The following TNFRSF8 variants were observed in gnomAD, a reference collection of about 807,000 sequenced individuals.
TNFRSF8 encodes the protein TNF receptor superfamily member 8, also known as tumor necrosis factor receptor superfamily member 8.
A neutral mutation model predicts 70.8 loss-of-function variants in TNFRSF8; 26 were observed. The observed-to-expected ratio is 0.37, with a 90% CI of 0.27 to 0.51. The LOEUF (loss-of-function observed/expected upper bound fraction) is 0.51. TNFRSF8 is among the 20% of genes least tolerant of loss of function. The pLI is 0.94. For missense variants in TNFRSF8, 720 were observed against 807.9 expected, an observed-to-expected ratio of 0.89 and a Z score of 1.32; for synonymous variants, 356 against 339.2, an observed-to-expected ratio of 1.05 and a Z score of -0.54.
chr1:12,093,085 C>T (rs1268569721), intron 2 of TNFRSF8, among the ~76,000 whole-genome samples: 5 of 151,938 alleles, frequency 3.3e-5, no homozygotes, highest in Middle Eastern at 3.4e-3. Flanking sequence ...GGATTGCAAG[C>T]GTGAGCCACC....
chr1:12,115,529 C>T (rs1189137310), intron 7 of TNFRSF8, 48 bp from the exon 8 acceptor site: 1 of 1,610,444 alleles, frequency 6.2e-7, no homozygotes, highest in Admixed American at 1.7e-5. Context: ...GGACCCCCTG[C>T]CCTTGCCATA....
chr1:12,072,904 A>G (rs1640872579), intron 1 of TNFRSF8, among the ~76,000 whole-genome samples: 1 of 152,192 alleles, frequency 6.6e-6, no homozygotes, highest in African/African-American at 2.4e-5. Context: ...CGCAGCGGCC[A>G]GGCCAAGAGT....
intron 2 of TNFRSF8, among the ~76,000 whole-genome samples, chr1:12,084,821 C>G (rs1641125169): frequency 6.6e-6 from 1 of 152,180 alleles, no homozygotes; most frequent in African/African-American, 2.4e-5. Flanking sequence ...TTATTGGACA[C>G]TTACTATCCA....
At chr1:12,136,272 GAA>G (rs957666767) in intron 13 of TNFRSF8, among the ~76,000 whole-genome samples, 1 of 152,202 alleles carries the variant, frequency 6.6e-6, no homozygotes, top group African/African-American at 2.4e-5. Context: ...GAAATTTCAT[GAA>G]AGAGGTATTC....
intron 14 of TNFRSF8, among the ~76,000 whole-genome samples, chr1:12,140,265 A>G (rs1255850752): frequency 6.6e-6 from 1 of 152,100 alleles, no homozygotes; most frequent in Admixed American, 6.5e-5. Context: ...AAGGCCTTGG[A>G]GGTTCTCTTG....
intron 12 of TNFRSF8, among the ~76,000 whole-genome samples, chr1:12,133,738 CA>C (rs34040378): frequency 1.2e-3 from 110 of 90,976 alleles, no homozygotes; most frequent in East Asian, 8.6e-3. Flanking sequence ...GACTCCATCT[CA>C]AAAAAAAAAA....
chr1:12,100,455 A>G (rs1261421593), intron 3 of TNFRSF8, among the ~76,000 whole-genome samples: 1 of 152,228 alleles, frequency 6.6e-6, no homozygotes, highest in African/African-American at 2.4e-5. Flanking sequence ...CTTTTGTAAT[A>G]ACACTTAGCT....
Position 12,104,543 on chromosome 1 carries a change from C to T in TNFRSF8, c.421+12C>T. 1 of 1,614,098 alleles carries T rather than the reference C, an allele frequency of 6.2e-7. No individual in the cohort carries two copies. The highest frequency in any genetic ancestry group is 8.5e-7 in the Non-Finnish European group (1 of 1,180,014). ...TGTCAAGTTCCCAGGTCAGTGTCCC[C>T]ACCCTTAACTCAGGACAGAGATCTA... On this transcript the variant is annotated intron_variant, in intron 4 of 14. Coordinates refer to ENST00000263932, the MANE Select transcript of TNFRSF8 (RefSeq NM_001243.5).
chr1:12,104,278 G>A, intron 3 of TNFRSF8, 101 bp from the exon 4 acceptor site: 1 of 1,324,668 alleles, frequency 7.5e-7, no homozygotes, highest in East Asian at 2.3e-5. Context: ...GGCGGAGGCT[G>A]CGTTGCGGAC....
In TNFRSF8 at chr1:12,138,557, G is replaced by C; in HGVS notation, c.1543+121G>C. On this transcript the variant is annotated intron_variant, in intron 14 of 14. Coordinates refer to ENST00000263932, the MANE Select transcript of TNFRSF8 (RefSeq NM_001243.5). This position sits in a 1 kb window ranked among gnomAD's most constrained non-coding sequence, Gnocchi z 5.7. ...GAGTTGAAAGGCCCAGGAAAGGAGA[G>C]GCATAGATTCTTCACCCCAATTGAA... 9.9e-7 allele frequency: 1 copy of C among 1,009,512 alleles called. No homozygotes were observed. Among genetic ancestry groups the C allele is most frequent in the Non-Finnish European group, 1.4e-6 (1 of 700,010 alleles). 62.5% of individuals were successfully genotyped at this position (1,009,512 alleles called of 1,614,324 possible).
intron 4 of TNFRSF8, among the ~76,000 whole-genome samples, chr1:12,107,971 A>T (rs1482318672): frequency 6.6e-6 from 1 of 152,090 alleles, no homozygotes; most frequent in African/African-American, 2.4e-5. Flanking sequence ...GTCTAAGCTT[A>T]GGTGTCATCA....
chr1:12,133,649 A>G (rs983654570), intron 12 of TNFRSF8, among the ~76,000 whole-genome samples: 5 of 150,408 alleles, frequency 3.3e-5, no homozygotes, highest in African/African-American at 1.2e-4. Flanking sequence ...CTGAGGCAGG[A>G]GAATCGCTTG....
chr1:12,069,665 C>A lies in TNFRSF8; in HGVS notation c.63+6004C>A, dbSNP rs138515360. On this transcript the variant is annotated intron_variant, in intron 1 of 14. Transcript: ENST00000263932. The stretch of plus-strand genomic sequence containing the variant: ...CCTGTTCTCTTCAATTCATTCATTC[C>A]ACAAACACTTATTGAGCACCTTCTG... Among the ~76,000 whole-genome samples, 803 of 152,306 alleles carry A rather than the reference C, an allele frequency of 5.3e-3. 8 individuals are homozygous for A. The highest frequency in any genetic ancestry group is 0.018 in the African/African-American group (745 of 41,562).
intron 3 of TNFRSF8, among the ~76,000 whole-genome samples, chr1:12,100,669 C>T (rs374644309): frequency 6.6e-6 from 1 of 152,076 alleles, no homozygotes; most frequent in African/African-American, 2.4e-5. Context: ...CAAATCTTGT[C>T]CCATTGGCAG....
chr1:12,135,781 G>T (rs1216254040), intron 13 of TNFRSF8, among the ~76,000 whole-genome samples, 168 bp downstream of exon 13: 1 of 152,156 alleles, frequency 6.6e-6, no homozygotes, highest in Non-Finnish European at 1.5e-5. Context: ...GCAAGTTCAG[G>T]CTGAGTCTGA....
intron 7 of TNFRSF8, among the ~76,000 whole-genome samples, chr1:12,114,713 T>TC (rs1641696945): frequency 7.5e-6 from 1 of 133,222 alleles, no homozygotes; most frequent in African/African-American, 2.6e-5. Context: ...TTTTTTTTTT[T>TC]TTTTTTTTTT....
intron 7 of TNFRSF8, among the ~76,000 whole-genome samples, chr1:12,115,106 C>T (rs2101012904): frequency 6.6e-6 from 1 of 152,336 alleles, no homozygotes; most frequent in South Asian, 2.1e-4. Context: ...GTTATGGAGT[C>T]ATGGCCAGTC....
intron 2 of TNFRSF8, among the ~76,000 whole-genome samples, chr1:12,085,241 G>T (rs1190508014): frequency 1.3e-5 from 2 of 152,078 alleles, no homozygotes; most frequent in African/African-American, 4.8e-5. Flanking sequence ...TTCCCAAGTA[G>T]CTGGGATTAC....
At chr1:12,094,149 A>C (rs1056369054) in intron 2 of TNFRSF8, among the ~76,000 whole-genome samples, 5 of 151,916 alleles carry the variant, frequency 3.3e-5, no homozygotes, top group African/African-American at 9.7e-5. Context: ...GATGGAGCTG[A>C]CATTCTTATG....
Sources: allele counts gnomAD v4.1 joint callset (sites outside exome capture counted in the v4.1 genomes callset), GRCh38; gene constraint gnomAD v4.1.1; non-coding constraint Gnocchi (gnomAD v3.1); transcripts MANE v1.5; gene names NCBI Gene and HGNC (gene_info 2026-07-23, HGNC 2026-07-21).